The following NLK variants were observed in gnomAD, a reference collection of about 807,000 sequenced individuals.
NLK encodes nemo like kinase.
A neutral mutation model predicts 59.0 loss-of-function variants in NLK; 11 were observed. The observed-to-expected ratio is 0.19, with a 90% CI of 0.12 to 0.31. NLK has a LOEUF of 0.31. Ranked by LOEUF, NLK falls within the 10% of genes least tolerant of loss-of-function variation. The pLI, the probability that NLK is intolerant of heterozygous loss-of-function variation, is 1.00. For synonymous variants in NLK, 235 were observed against 235.9 expected (o/e 1.00, Z 0.03); for missense variants, 410 against 661.1 (o/e 0.62, Z 4.16).
intron 1 of NLK, among the ~76,000 whole-genome samples, chr17:28,118,025 A>G (rs1905856067): frequency 1.3e-5 from 2 of 152,168 alleles, no homozygotes; most frequent in Admixed American, 1.3e-4. Flanking sequence ...TTTCTTGTGT[A>G]TCCTTGAATA....
At chr17:28,082,035 A>G (rs1910364028) in intron 1 of NLK, among the ~76,000 whole-genome samples, 1 of 152,144 alleles carries the variant, frequency 6.6e-6, no homozygotes, top group Non-Finnish European at 1.5e-5. Flanking sequence ...CTCGGATTAC[A>G]GGGGCCTACC....
intron 1 of NLK, among the ~76,000 whole-genome samples, chr17:28,079,474 C>T (rs1250216656): frequency 6.6e-6 from 1 of 152,186 alleles, no homozygotes. Context: ...TTTATATTCG[C>T]ACCAGCAGTA....
At chr17:28,097,973 C>G (rs1201875599) in intron 1 of NLK, among the ~76,000 whole-genome samples, 2 of 151,990 alleles carry the variant, frequency 1.3e-5, no homozygotes, top group Non-Finnish European at 2.9e-5. Context: ...AAGTTTGTTT[C>G]TTGGCACTTT....
At chr17:28,043,401 C>G in intron 1 of NLK, 70 bp downstream of exon 1, 1 of 1,306,162 alleles carries the variant, frequency 7.7e-7, no homozygotes, top group Non-Finnish European at 1.1e-6. Context: ...GAGTCCATCT[C>G]TAATGGTTGT....
intron 7 of NLK, among the ~76,000 whole-genome samples, chr17:28,182,154 A>G (rs1345409264): frequency 6.6e-6 from 1 of 152,240 alleles, no homozygotes; most frequent in Non-Finnish European, 1.5e-5. Flanking sequence ...AGACAGAGCT[A>G]GAACCTCACC....
chr17:28,065,705 G>C (rs1909802246), intron 1 of NLK, among the ~76,000 whole-genome samples: 1 of 152,120 alleles, frequency 6.6e-6, no homozygotes, highest in Non-Finnish European at 1.5e-5. Context: ...TTACAAATTG[G>C]CAGTGATAAA....
chr17:28,166,329 A>G (rs1343545795), intron 5 of NLK, among the ~76,000 whole-genome samples: 4 of 152,180 alleles, frequency 2.6e-5, no homozygotes, highest in Non-Finnish European at 5.9e-5. Context: ...CTTAAGTTGT[A>G]AAGATGGTGG....
intron 6 of NLK, 92 bp from the exon 7 acceptor site, chr17:28,172,425 G>A (rs970022518): frequency 2.8e-6 from 2 of 710,410 alleles, no homozygotes; most frequent in Non-Finnish European, 4.1e-6. Context: ...TTTTCCCCCA[G>A]ATTTGGTCCA....
At chr17:28,165,943 G>A (rs550415825) in intron 5 of NLK, among the ~76,000 whole-genome samples, 108 of 152,340 alleles carry the variant, frequency 7.1e-4, no homozygotes, top group Non-Finnish European at 9.1e-4. Flanking sequence ...TTGGCCGGGC[G>A]CAGTGGCTCA....
chr17:28,203,829 G>A, the NLK span, among the ~76,000 whole-genome samples: 2 of 152,236 alleles, frequency 1.3e-5, no homozygotes, highest in African/African-American at 4.8e-5. Context: ...GAGCCACTGC[G>A]CCCGGCCCTG....
intron 3 of NLK, among the ~76,000 whole-genome samples, chr17:28,145,913 G>T (rs991123872): frequency 3.3e-5 from 5 of 152,168 alleles, no homozygotes; most frequent in African/African-American, 9.6e-5. Flanking sequence ...CACTGTGTTG[G>T]CCAGGCTGGT....
intron 1 of NLK, among the ~76,000 whole-genome samples, chr17:28,083,903 G>A (rs2142768979): frequency 6.6e-6 from 1 of 152,272 alleles, no homozygotes; most frequent in African/African-American, 2.4e-5. Context: ...TTTAAGTTAT[G>A]TTGAGTAGTC....
intron 1 of NLK, among the ~76,000 whole-genome samples, chr17:28,082,790 G>A (rs912252646): frequency 4.6e-5 from 7 of 152,170 alleles, no homozygotes; most frequent in Non-Finnish European, 5.9e-5. Context: ...GAAATAACAT[G>A]TTTGTAATGT....
At chr17:28,154,632 C>T (rs1045387596) in intron 3 of NLK, among the ~76,000 whole-genome samples, 3 of 151,980 alleles carry the variant, frequency 2.0e-5, no homozygotes, top group Admixed American at 6.6e-5. Flanking sequence ...ATATATAATA[C>T]CATGGAAAGA....
chr17:28,079,016 C>T (rs1388771464), intron 1 of NLK, among the ~76,000 whole-genome samples: 1 of 152,130 alleles, frequency 6.6e-6, no homozygotes, highest in Non-Finnish European at 1.5e-5. Context: ...TGAAACTACC[C>T]ATTGAATAAC....
At chr17:28,097,246 A>G (rs1187421684) in intron 1 of NLK, among the ~76,000 whole-genome samples, 1 of 152,200 alleles carries the variant, frequency 6.6e-6, no homozygotes, top group Non-Finnish European at 1.5e-5. Flanking sequence ...TTTTGATTAT[A>G]GAAATTTTTA....
At chr17:28,051,655 C>CT (rs749091116) in intron 1 of NLK, among the ~76,000 whole-genome samples, 2,209 of 137,874 alleles carry the variant, frequency 0.016, 46 homozygotes, top group African/African-American at 0.053. Context: ...CTGCGCCCGG[C>CT]TTTTTTTTTT....
intron 1 of NLK, among the ~76,000 whole-genome samples, chr17:28,120,252 G>GTGTGTGTGTGTGTGTGTA (rs1905974593): frequency 7.0e-6 from 1 of 143,016 alleles, no homozygotes; most frequent in African/African-American, 2.7e-5. Flanking sequence ...GTGTGTGTGT[G>GTGTGTGTGTGTGTGTGTA]TGTGTGTGTG....
intron 6 of NLK, among the ~76,000 whole-genome samples, chr17:28,170,464 A>AT (rs1307465745): frequency 1.3e-5 from 2 of 152,140 alleles, no homozygotes; most frequent in Non-Finnish European, 1.5e-5. Context: ...CAACATTTAA[A>AT]TTTTTCTATG....
Sources: gnomAD v4.1 joint callset for allele counts (sites outside exome capture counted in the v4.1 genomes callset) on GRCh38, gnomAD v4.1.1 for gene constraint, MANE v1.5 for transcripts, NCBI Gene and HGNC (gene_info 2026-07-23, HGNC 2026-07-21) for gene names.